The following ZNF576 variants were observed in gnomAD, a reference collection of about 807,000 sequenced individuals.
The protein encoded by ZNF576 is zinc finger protein 576.
Under a neutral mutation model 10.8 loss-of-function variants are expected in ZNF576, and 9 were observed. The ratio of observed to expected loss-of-function variants is 0.84; its 90% CI spans 0.50 to 1.46. ZNF576 has a LOEUF of 1.46. Ranked by LOEUF, ZNF576 falls within the 40% of genes most tolerant of loss-of-function variation. The pLI is 0.00. For synonymous variants in ZNF576, 88 were observed against 89.6 expected, an observed-to-expected ratio of 0.98 and a Z score of 0.10; for missense variants, 191 against 233.7, an observed-to-expected ratio of 0.82 and a Z score of 1.19.
At position 43,599,381 on chromosome 19, in the gene ZNF576, G is replaced by C. The variant is rs1973186486; in HGVS notation, c.*123G>C. ...TGCTTCCCTCCCCTGGGAAGGCAGAGGGCTCTTAATAAAGAGGACCCAGAA... is the reference window on the plus strand; with the variant it reads ...TGCTTCCCTCCCCTGGGAAGGCAGACGGCTCTTAATAAAGAGGACCCAGAA... On this transcript the variant is annotated 3_prime_UTR_variant, in exon 3 of 3. Transcript: ENST00000336564. 3 of 1,027,598 alleles carry C rather than the reference G, an allele frequency of 2.9e-6. No homozygotes were observed. The African/African-American group carries it at 4.9e-5, about 17-fold the overall frequency. The allele number at this position is 1,027,598 out of a possible 1,614,324, so 63.7% of individuals were successfully genotyped here. A position where few individuals can be genotyped will look rare whatever the true frequency, so the allele number is the denominator to read the frequency against.
At chr19:43,598,328 A>G (rs577430260) in intron 2 of ZNF576, among the ~76,000 whole-genome samples, 21 of 152,348 alleles carry the variant, frequency 1.4e-4, no homozygotes, top group African/African-American at 5.0e-4. Context: ...TGTGAGTACC[A>G]GGCCAGATCC....
rs1600081952 is a variant in ZNF576, at chr19:43,600,824, G to A, written c.*1566G>A. Reference sequence around the variant, plus strand: ...AGATCGTGCCATTGCACTTCAGCCTGGGTGACAGAGTGAGACTGTTTAAAA... The same window carrying A: ...AGATCGTGCCATTGCACTTCAGCCTAGGTGACAGAGTGAGACTGTTTAAAA... On this transcript the variant is annotated 3_prime_UTR_variant, in exon 3 of 3. Transcript: ENST00000336564. The A allele has an allele frequency of 6.6e-6, 1 of 152,218 alleles. No homozygotes were observed. Among genetic ancestry groups the A allele is most frequent in the East Asian group, 1.9e-4 (1 of 5,202 alleles). The allele number at this position is 152,218 out of a possible 1,614,324, so 9.4% of individuals were successfully genotyped here. A position where few individuals can be genotyped will look rare whatever the true frequency, so the allele number is the denominator to read the frequency against.
chr19:43,598,149 G>T (rs1430861456), intron 2 of ZNF576, among the ~76,000 whole-genome samples: 1 of 152,220 alleles, frequency 6.6e-6, no homozygotes, highest in East Asian at 1.9e-4. Flanking sequence ...CATTAGCCAG[G>T]ATAGGAGGAT....
chr19:43,596,683 T>C lies in ZNF576; in HGVS notation c.-76T>C. On this transcript the variant is annotated 5_prime_UTR_variant, in exon 1 of 3. Transcript: ENST00000336564. ...AAGCGCGCGTGGGAGGCGGGGGCTC[T>C]GGGCGGAACAAAAATCACAGGATGT... The C allele has an allele frequency of 6.2e-6, 1 of 161,458 alleles. No individual in the cohort carries two copies. 10.0% of individuals were successfully genotyped at this position (161,458 alleles called of 1,614,324 possible).
At chr19:43,598,626 G>A (rs1445190504) in intron 2 of ZNF576, among the ~76,000 whole-genome samples, 2 of 152,094 alleles carry the variant, frequency 1.3e-5, no homozygotes, top group African/African-American at 4.8e-5. Flanking sequence ...CATGACTATG[G>A]GCAACTTGCC....
chr19:43,597,346 C>T, intron 2 of ZNF576, 153 bp downstream of exon 2: 4 of 646,696 alleles, frequency 6.2e-6, no homozygotes, highest in South Asian at 3.6e-5. Flanking sequence ...GGAAGTGCAT[C>T]TCCTCACACC....
At chr19:43,597,331 T>C (rs1317872166) in intron 2 of ZNF576, 138 bp downstream of exon 2, 3 of 701,868 alleles carry the variant, frequency 4.3e-6, no homozygotes, top group South Asian at 1.7e-5. Flanking sequence ...TGAGCTGCTC[T>C]AGCAGGAAGT....
rs1973179351 is a variant in ZNF576 at position 43,598,977 on chromosome 19, C to T, written c.232C>T (p.Arg78Cys). ...GVLFICFTCARSFPSSKALIT... is the reference protein window; with the variant it reads ...GVLFICFTCACSFPSSKALIT... ...CCTCTTCATCTGCTTCACCTGCGCC[C>T]GCTCCTTCCCCTCCTCCAAAGCCCT... The change falls in exon 3 of 3, where the codon CGC becomes TGC. Residue 78 changes from arginine to cysteine, a missense_variant. Physicochemically the swap from Arg to Cys is radical, Grantham distance 180. Transcript: ENST00000336564. 2.5e-6 allele frequency: 4 copies of T among 1,614,156 alleles called. No individual in the cohort carries two copies. Among genetic ancestry groups the T allele is most frequent in the African/African-American group, 1.3e-5 (1 of 75,046 alleles).
At chr19:43,597,598 T>G (rs1305727580) in intron 2 of ZNF576, 1 of 194,186 alleles carries the variant, frequency 5.1e-6, no homozygotes, top group Non-Finnish European at 1.1e-5. Flanking sequence ...CCTCACAGGG[T>G]GGGTATGGGA....
chr19:43,597,516 A>C, intron 2 of ZNF576: 1 of 246,226 alleles, frequency 4.1e-6, no homozygotes, highest in Non-Finnish European at 8.2e-6. Context: ...TCTGGTCCCA[A>C]CTCTGCCCTA....
chr19:43,599,094 T>C lies in ZNF576; in HGVS notation c.349T>C (p.Cys117Arg). The C allele has an allele frequency of 1.2e-6, 2 of 1,614,226 alleles. No homozygotes were observed. The highest frequency in any genetic ancestry group is 1.7e-6 in the Non-Finnish European group (2 of 1,180,032). The stretch of plus-strand genomic sequence containing the variant: ...CCAGCCCACCTTCCCTTGTCCTGAC[T>C]GTGGCAAGACCTTTGGGCAGGCTGT... ...TAQPTFPCPD[C>R]GKTFGQAVSL... The change falls in exon 3 of 3, where the codon TGT becomes CGT. Residue 117 changes from cysteine (C) to arginine (R), a missense_variant. Physicochemically the swap from Cys to Arg is radical, Grantham distance 180. Transcript: ENST00000336564.
In ZNF576 at chr19:43,599,319, A is replaced by G; in HGVS notation, c.*61A>G. 3.9e-6 allele frequency: 6 copies of G among 1,530,094 alleles called. No homozygotes were observed. Among genetic ancestry groups the G allele is most frequent in the Non-Finnish European group, 5.3e-6 (6 of 1,128,818 alleles). 94.8% of individuals were successfully genotyped at this position (1,530,094 alleles called of 1,614,324 possible). ...CTGTGGCTGGTAGGACTCACCCATG[A>G]TATGGGGTGCAGGAACTCTGGGGGC... On this transcript the variant is annotated 3_prime_UTR_variant, in exon 3 of 3. Transcript: ENST00000336564.
Position 43,599,609 on chromosome 19 carries a change from G to A in ZNF576, c.*351G>A, listed in dbSNP as rs1317066698. 4.1e-6 allele frequency: 1 copy of A among 242,958 alleles called. No individual in the cohort carries two copies. The highest frequency in any genetic ancestry group is 2.3e-5 in the African/African-American group (1 of 43,932). The allele number at this position is 242,958 out of a possible 1,614,324, so 15.1% of individuals were successfully genotyped here. A position where few individuals can be genotyped will look rare whatever the true frequency, so the allele number is the denominator to read the frequency against. Reference sequence around the variant, plus strand: ...TTCATTCTTCCCAGATGGATGCCATGGGCTATGGGAGCAAATTGCCCTGGA... The same window carrying A: ...TTCATTCTTCCCAGATGGATGCCATAGGCTATGGGAGCAAATTGCCCTGGA... On this transcript the variant is annotated 3_prime_UTR_variant, in exon 3 of 3. Coordinates refer to ENST00000336564, the MANE Select transcript of ZNF576 (RefSeq NM_001145347.2).
chr19:43,599,177 C>T lies in ZNF576; in HGVS notation c.432C>T (p.Ala144=). Residue 144 remains alanine, a synonymous_variant, in exon 3 of 3, where the codon GCC becomes GCT. Coordinates refer to ENST00000336564, the MANE Select transcript of ZNF576 (RefSeq NM_001145347.2). ...TCCGTGCCCCTCCTGGCACCTTCGCCTGCACAGAGTGCGGTCAGGACTTTG... is the reference window on the plus strand; with the variant it reads ...TCCGTGCCCCTCCTGGCACCTTCGCTTGCACAGAGTGCGGTCAGGACTTTG... ...HEVRAPPGTF[A]CTECGQDFAQ... 1 of 1,614,268 alleles carries T rather than the reference C, an allele frequency of 6.2e-7. No homozygotes were observed.
In ZNF576 at chr19:43,599,335, C is replaced by T. The variant is rs1600081257; in HGVS notation, c.*77C>T. 3.5e-6 allele frequency: 5 copies of T among 1,445,368 alleles called. No homozygotes were observed. The highest frequency in any genetic ancestry group is 2.4e-5 in the East Asian group (1 of 41,482). The allele number at this position is 1,445,368 out of a possible 1,614,324, so 89.5% of individuals were successfully genotyped here. On this transcript the variant is annotated 3_prime_UTR_variant, in exon 3 of 3. Transcript: ENST00000336564. ...TCACCCATGATATGGGGTGCAGGAA[C>T]TCTGGGGGCCCTGAAGGATTTGCTT...
chr19:43,599,361 C>T lies in ZNF576; in HGVS notation c.*103C>T. 1 of 1,260,770 alleles carries T rather than the reference C, an allele frequency of 7.9e-7. No homozygotes were observed. Among genetic ancestry groups the T allele is most frequent in the South Asian group, 1.5e-5 (1 of 65,586 alleles). The allele number at this position is 1,260,770 out of a possible 1,614,324, so 78.1% of individuals were successfully genotyped here. On this transcript the variant is annotated 3_prime_UTR_variant, in exon 3 of 3. Coordinates refer to ENST00000336564, the MANE Select transcript of ZNF576 (RefSeq NM_001145347.2). ...TCTGGGGGCCCTGAAGGATTTGCTT[C>T]CCTCCCCTGGGAAGGCAGAGGGCTC... is the stretch of plus-strand genomic sequence containing the variant.
intron 1 of ZNF576, 135 bp from the exon 2 acceptor site, chr19:43,596,959 G>C (rs1287941529): frequency 1.5e-6 from 1 of 652,012 alleles, no homozygotes; most frequent in African/African-American, 1.8e-5. Context: ...TAGAGTTCAA[G>C]GAGATAGTAT....
At position 43,597,182 on chromosome 19, in the gene ZNF576, G is replaced by C; in HGVS notation, c.74G>C (p.Gly25Ala). 2 of 1,614,110 alleles carry C rather than the reference G, an allele frequency of 1.2e-6. No individual in the cohort carries two copies. The highest frequency in any genetic ancestry group is 1.7e-6 in the Non-Finnish European group (2 of 1,179,994). Residue 25 changes from glycine (G) to alanine (A), a missense_variant, in exon 2 of 3, where the codon GGA (glycine) becomes GCA (alanine). Transcript: ENST00000336564. ...SPKERSPQSP[G>A]GNICHLGAPK... is the part of the protein sequence containing the mutation. ...AAGGAGAGAAGTCCCCAGAGCCCAGGAGGCAACATCTGTGAGTACACATGG... is the reference window on the plus strand; with the variant it reads ...AAGGAGAGAAGTCCCCAGAGCCCAGCAGGCAACATCTGTGAGTACACATGG...
intron 2 of ZNF576, among the ~76,000 whole-genome samples, chr19:43,598,255 G>T (rs568110345): frequency 6.6e-6 from 1 of 152,248 alleles, no homozygotes; most frequent in Non-Finnish European, 1.5e-5. Flanking sequence ...TAGTCACAGC[G>T]TGGCCTTGTC....
Sources: gnomAD v4.1 joint callset for allele counts (sites outside exome capture counted in the v4.1 genomes callset) on GRCh38, gnomAD v4.1.1 for gene constraint, MANE v1.5 for transcripts, NCBI Gene and HGNC (gene_info 2026-07-23, HGNC 2026-07-21) for gene names.